Variants in MBNL1 observed in about 807,000 individuals in gnomAD.
MBNL1 encodes the protein muscleblind-like protein 1.
Under a neutral mutation model 42.2 loss-of-function variants are expected in MBNL1, and 8 were observed. That is an observed-to-expected ratio of 0.19 (90% CI 0.11 to 0.34). The LOEUF (loss-of-function observed/expected upper bound fraction) is 0.34, where lower values mean the gene tolerates loss of function less well. Ranked by LOEUF, MBNL1 falls within the 10% of genes least tolerant of loss-of-function variation. MBNL1 has a pLI of 1.00. For missense variants in MBNL1, 309 were observed against 495.3 expected, an observed-to-expected ratio of 0.62 and a Z score of 3.57; for synonymous variants, 169 against 173.9, an observed-to-expected ratio of 0.97 and a Z score of 0.22.
chr3:152,455,951 ATGTC>A (rs924561067), intron 7 of MBNL1, among the ~76,000 whole-genome samples: 10 of 152,358 alleles, frequency 6.6e-5, no homozygotes, highest in African/African-American at 2.4e-4. Flanking sequence ...TAGATTTTGA[ATGTC>A]TGACTATGAA....
intron 4 of MBNL1, among the ~76,000 whole-genome samples, chr3:152,440,416 G>A (rs1038606915): frequency 2.6e-5 from 4 of 152,186 alleles, no homozygotes; most frequent in Non-Finnish European, 5.9e-5. Context: ...CGGAAAGCAC[G>A]TTTTGCATGG....
chr3:152,400,101 A>T (rs775341071), intron 2 of MBNL1, among the ~76,000 whole-genome samples: 1 of 152,196 alleles, frequency 6.6e-6, no homozygotes, highest in African/African-American at 2.4e-5. Context: ...GAGGCTAATA[A>T]GAATACCTCA....
chr3:152,360,675 A>AT (rs1442204431), intron 2 of MBNL1, among the ~76,000 whole-genome samples: 2 of 152,020 alleles, frequency 1.3e-5, no homozygotes, highest in Admixed American at 1.3e-4. Flanking sequence ...ATCTGCTGTC[A>AT]TTTTCTCCTC....
At chr3:152,271,535 G>C (rs962252972) in intron 1 of MBNL1, among the ~76,000 whole-genome samples, 7 of 152,090 alleles carry the variant, frequency 4.6e-5, no homozygotes, top group African/African-American at 1.4e-4. Context: ...CTTTCTGCTT[G>C]GTGATAGATG....
chr3:152,370,194 T>G (rs2096597951), intron 2 of MBNL1, among the ~76,000 whole-genome samples: 1 of 152,204 alleles, frequency 6.6e-6, no homozygotes. Context: ...CTAGAGATTC[T>G]GGTACATTGT....
chr3:152,352,138 G>A (rs2095071445), intron 2 of MBNL1, among the ~76,000 whole-genome samples: 1 of 152,202 alleles, frequency 6.6e-6, no homozygotes, highest in Admixed American at 6.5e-5. Flanking sequence ...TGTTATGTTA[G>A]CCAGTTGATT....
In MBNL1 at chr3:152,362,051, A is replaced by G. The variant is rs548399603; in HGVS notation, c.175-52890A>G. 6.6e-5 allele frequency among the ~76,000 whole-genome samples: 10 copies of G among 152,336 alleles called. No individual in the cohort carries two copies. In the South Asian group the frequency reaches 2.1e-3, roughly 32 times the overall value. On this transcript the variant is annotated intron_variant, in intron 2 of 9. Transcript: ENST00000324210. ...CTATAATTAGACACCTGGCTTTGTA[A>G]AAGGACTAGATGTCATTTAGAGCAT... is the stretch of plus-strand genomic sequence containing the variant.
intron 2 of MBNL1, among the ~76,000 whole-genome samples, chr3:152,260,487 T>C (rs1210159084): frequency 1.3e-5 from 2 of 152,246 alleles, no homozygotes; most frequent in Admixed American, 1.3e-4. Flanking sequence ...AACGAATTTA[T>C]AAAATATATT....
chr3:152,318,173 A>G (rs1044104807), intron 2 of MBNL1, among the ~76,000 whole-genome samples: 2 of 152,212 alleles, frequency 1.3e-5, no homozygotes, highest in African/African-American at 4.8e-5. Context: ...CTGCTAAGGA[A>G]GTCATTCTTA....
chr3:152,412,003 C>T (rs1325380270), intron 2 of MBNL1, among the ~76,000 whole-genome samples: 1 of 152,136 alleles, frequency 6.6e-6, no homozygotes, highest in Admixed American at 6.5e-5. Context: ...TTCATTCATT[C>T]TGTGAATGTT....
At chr3:152,457,509 TTAAAAAC>T (rs1445780220) in intron 8 of MBNL1, among the ~76,000 whole-genome samples, 30 of 152,216 alleles carry the variant, frequency 2.0e-4, no homozygotes, top group Non-Finnish European at 2.8e-4. Context: ...AGTACAGCCA[TTAAAAAC>T]TTTCAAAATC....
At chr3:152,269,496 C>A (rs1047562449) in intron 1 of MBNL1, 1 of 454,900 alleles carries the variant, frequency 2.2e-6, no homozygotes, top group South Asian at 1.6e-5. Context: ...GTCTTCCCGG[C>A]GGCTCCCGCA....
intron 3 of MBNL1, among the ~76,000 whole-genome samples, chr3:152,422,268 C>CAAA (rs200584264): frequency 0.09 from 9,290 of 102,738 alleles, 471 homozygotes; most frequent in Middle Eastern, 0.13. Context: ...AAATGGAAAG[C>CAAA]AAAAAAAAAA....
intron 2 of MBNL1, among the ~76,000 whole-genome samples, chr3:152,332,661 A>G (rs564521647): frequency 1.3e-5 from 2 of 149,630 alleles, no homozygotes; most frequent in South Asian, 4.2e-4. Context: ...CTTCACCATA[A>G]GAGTATTTTC....
chr3:152,343,591 A>T (rs566828919), intron 2 of MBNL1, among the ~76,000 whole-genome samples: 1 of 152,240 alleles, frequency 6.6e-6, no homozygotes, highest in Admixed American at 6.5e-5. Context: ...CAAGCCATCA[A>T]AGGGGTTAGA....
At chr3:152,344,270 CAT>C (rs2093851405) in intron 2 of MBNL1, among the ~76,000 whole-genome samples, 1 of 152,126 alleles carries the variant, frequency 6.6e-6, no homozygotes, top group African/African-American at 2.4e-5. Flanking sequence ...AGCACAAACT[CAT>C]ACTTTTTTTC....
intron 1 of MBNL1, among the ~76,000 whole-genome samples, chr3:152,295,468 C>T (rs1021478294): frequency 4.6e-5 from 7 of 152,084 alleles, no homozygotes; most frequent in Non-Finnish European, 7.4e-5. Flanking sequence ...GTGTTGGGAC[C>T]ACATCCTCCC....
Position 152,268,984 on chromosome 3 carries a change from G to A in MBNL1, c.-898G>A, listed in dbSNP as rs754002189. The A allele has an allele frequency of 6.6e-6, 3 of 456,274 alleles. No individual in the cohort carries two copies. Among genetic ancestry groups the A allele is most frequent in the South Asian group, 3.1e-5 (2 of 64,574 alleles). The allele number at this position is 456,274 out of a possible 1,614,324, so 28.3% of individuals were successfully genotyped here. On this transcript the variant is annotated 5_prime_UTR_variant, in exon 1 of 10. Coordinates refer to ENST00000324210, the MANE Select transcript of MBNL1 (RefSeq NM_021038.5). ...GCGCCCACAATGCTCCCATGACAAGGAGCTGACAAGTTCCATTTTCCGTCG... is the reference window on the plus strand; with the variant it reads ...GCGCCCACAATGCTCCCATGACAAGAAGCTGACAAGTTCCATTTTCCGTCG...
At chr3:152,304,591 A>G (rs1402342157) in intron 2 of MBNL1, among the ~76,000 whole-genome samples, 1 of 152,228 alleles carries the variant, frequency 6.6e-6, no homozygotes, top group Non-Finnish European at 1.5e-5. Context: ...TGGCACATAT[A>G]TTCAATGTGT....
Sources: gnomAD v4.1 joint callset for allele counts (sites outside exome capture counted in the v4.1 genomes callset) on GRCh38, gnomAD v4.1.1 for gene constraint, MANE v1.5 for transcripts, NCBI Gene and HGNC (gene_info 2026-07-23, HGNC 2026-07-21) for gene names.